Variants in NRXN1 observed in about 807,000 individuals in gnomAD.
NRXN1 encodes the protein neurexin-1.
In NRXN1, 39 loss-of-function variants were observed where a neutral mutation model predicts 150.9. That is an observed-to-expected ratio of 0.26 (90% CI 0.20 to 0.34). The LOEUF is 0.34. NRXN1 is among the 10% of genes least tolerant of loss of function. NRXN1 has a pLI of 1.00. For missense variants in NRXN1, 1,815 were observed against 1,949.9 expected, an observed-to-expected ratio of 0.93 and a Z score of 1.30; for synonymous variants, 924 against 757.0, an observed-to-expected ratio of 1.22 and a Z score of -3.62.
intron 17 of NRXN1, among the ~76,000 whole-genome samples, chr2:50,287,263 C>G (rs2072312628): frequency 6.6e-6 from 1 of 152,052 alleles, no homozygotes; most frequent in Non-Finnish European, 1.5e-5. Flanking sequence ...ACAGTGTCTT[C>G]TCTTTCTACA....
At chr2:50,695,128 G>A (rs1692629361) in intron 5 of NRXN1, among the ~76,000 whole-genome samples, 1 of 151,376 alleles carries the variant, frequency 6.6e-6, no homozygotes, top group Non-Finnish European at 1.5e-5. Flanking sequence ...GATTTCACCA[G>A]TGCAGTAGGG....
chr2:50,841,012 CG>C, intron 5 of NRXN1: 1 of 152,666 alleles, frequency 6.6e-6, no homozygotes, highest in Non-Finnish European at 1.5e-5. Context: ...GCTATGTCAA[CG>C]TTGCTTCTGC....
At chr2:51,020,016 C>A (rs1199650840) in intron 2 of NRXN1, among the ~76,000 whole-genome samples, 1 of 151,330 alleles carries the variant, frequency 6.6e-6, no homozygotes, top group East Asian at 1.9e-4. Context: ...ATATTCAGTG[C>A]ATTGGTATTC....
At chr2:50,931,350 G>C (rs1273850504) in intron 2 of NRXN1, among the ~76,000 whole-genome samples, 1 of 151,950 alleles carries the variant, frequency 6.6e-6, no homozygotes, top group East Asian at 1.9e-4. Flanking sequence ...TCTAAGAAAA[G>C]GCAAAAATAC....
chr2:50,775,619 T>G (rs907526351), intron 5 of NRXN1, among the ~76,000 whole-genome samples: 19 of 152,226 alleles, frequency 1.2e-4, no homozygotes, highest in African/African-American at 4.6e-4. Flanking sequence ...ACACGAGAGA[T>G]AATTTATTAG....
At chr2:50,935,551 A>C (rs987148496) in intron 2 of NRXN1, among the ~76,000 whole-genome samples, 1 of 152,128 alleles carries the variant, frequency 6.6e-6, no homozygotes, top group African/African-American at 2.4e-5. Context: ...GTCTGGTGAA[A>C]TTGCATGTCT....
chr2:50,731,381 G>A (rs927992603), intron 5 of NRXN1, among the ~76,000 whole-genome samples: 2 of 152,124 alleles, frequency 1.3e-5, no homozygotes, highest in Non-Finnish European at 2.9e-5. Context: ...TTCGCTGTTC[G>A]AAATTTTAAA....
At chr2:50,325,373 GC>G (rs1352232627) in intron 17 of NRXN1, among the ~76,000 whole-genome samples, 2 of 152,154 alleles carry the variant, frequency 1.3e-5, no homozygotes, top group African/African-American at 4.8e-5. Context: ...AGTTTGTCAT[GC>G]CCCCCACCAG....
At chr2:50,948,759 A>G (rs1690815688) in intron 2 of NRXN1, among the ~76,000 whole-genome samples, 1 of 152,004 alleles carries the variant, frequency 6.6e-6, no homozygotes, top group African/African-American at 2.4e-5. Flanking sequence ...GTTACTTTTT[A>G]TTTGTCCTTC....
chr2:50,654,509 T>C (rs1197504900), intron 5 of NRXN1, among the ~76,000 whole-genome samples: 2 of 152,028 alleles, frequency 1.3e-5, no homozygotes, highest in Non-Finnish European at 2.9e-5. Flanking sequence ...TGTGTCTTTA[T>C]AGCAGCATGA....
chr2:50,595,462 T>C (rs1675025323), intron 8 of NRXN1, among the ~76,000 whole-genome samples: 1 of 151,320 alleles, frequency 6.6e-6, no homozygotes, highest in African/African-American at 2.4e-5. Flanking sequence ...CCTACTCCAG[T>C]TTGACCCTTC....
intron 19 of NRXN1, among the ~76,000 whole-genome samples, chr2:50,062,814 C>A (rs536367781): frequency 6.6e-6 from 1 of 152,180 alleles, no homozygotes; most frequent in African/African-American, 2.4e-5. Context: ...ATAAAAGTGT[C>A]AGCATTTGAT....
intron 5 of NRXN1, among the ~76,000 whole-genome samples, chr2:50,747,698 C>G (rs1233979030): frequency 1.3e-5 from 2 of 152,084 alleles, no homozygotes; most frequent in Non-Finnish European, 2.9e-5. Flanking sequence ...TAATCAAGAA[C>G]AGGATTTTCT....
At chr2:49,923,506 A>G (rs34533417) in intron 22 of NRXN1, among the ~76,000 whole-genome samples, 22,065 of 152,150 alleles carry the variant, frequency 0.15, 2,093 homozygotes, top group East Asian at 0.24. Flanking sequence ...ATGTGTGTGT[A>G]TGAGTGTGTG....
rs544287372 is a variant in NRXN1 at position 50,768,939 on chromosome 2, C to G, written c.833-145324G>C. ...CAACACACACACACACACACACATA[C>G]ACACACACACTCTGAACTTGAAAAC... On this transcript the variant is annotated intron_variant, in intron 5 of 22. Coordinates refer to ENST00000401669, the MANE Select transcript of NRXN1 (RefSeq NM_001330078.2). Among the ~76,000 whole-genome samples the G allele has an allele frequency of 3.3e-5, 5 of 151,566 alleles. No homozygotes were observed. In the East Asian group the frequency reaches 9.7e-4, roughly 30 times the overall value.
intron 5 of NRXN1, among the ~76,000 whole-genome samples, chr2:50,796,076 G>C (rs576040395): frequency 2.0e-5 from 3 of 152,194 alleles, no homozygotes; most frequent in African/African-American, 4.8e-5. Context: ...AGTAGCTGCT[G>C]ATATTATCCT....
At chr2:50,493,679 C>G (rs911183024) in intron 15 of NRXN1, among the ~76,000 whole-genome samples, 3 of 152,130 alleles carry the variant, frequency 2.0e-5, no homozygotes, top group African/African-American at 7.2e-5. Context: ...TAAGAGGCAC[C>G]GTGGGATGAC....
intron 18 of NRXN1, among the ~76,000 whole-genome samples, chr2:50,187,097 T>A (rs1443134043): frequency 6.6e-6 from 1 of 152,052 alleles, no homozygotes; most frequent in Non-Finnish European, 1.5e-5. Flanking sequence ...GCTGATTCTA[T>A]GTTTTAAAAT....
At chr2:50,569,473 C>A (rs1177863013) in intron 8 of NRXN1, among the ~76,000 whole-genome samples, 1 of 151,908 alleles carries the variant, frequency 6.6e-6, no homozygotes, top group African/African-American at 2.4e-5. Context: ...AGAGTAGATT[C>A]TGCCATAAAT....
Sources: gnomAD v4.1 joint callset for allele counts (sites outside exome capture counted in the v4.1 genomes callset) on GRCh38, gnomAD v4.1.1 for gene constraint, MANE v1.5 for transcripts, NCBI Gene and HGNC (gene_info 2026-07-23, HGNC 2026-07-21) for gene names.